MACROH2A1: variants seen among roughly 807,000 people sequenced by gnomAD.
MACROH2A1 encodes macroH2A.1 histone.
MACROH2A1 carries 2 observed loss-of-function variants against 31.6 expected under a neutral mutation model. The observed-to-expected ratio is 0.06, with a 90% CI of 0.03 to 0.20. The LOEUF is 0.20. MACROH2A1 is among the 10% of genes least tolerant of loss of function. The pLI, the probability that MACROH2A1 is intolerant of heterozygous loss-of-function variation, is 1.00. For missense variants in MACROH2A1, 230 were observed against 474.0 expected, an observed-to-expected ratio of 0.49 and a Z score of 4.78; for synonymous variants, 169 against 189.6, an observed-to-expected ratio of 0.89 and a Z score of 0.89.
intron 1 of MACROH2A1, among the ~76,000 whole-genome samples, chr5:135,394,507 G>C (rs1047960516): frequency 6.6e-6 from 1 of 152,126 alleles, no homozygotes. Flanking sequence ...TCCCTCAATG[G>C]ATGTGGCAGC....
chr5:135,396,040 G>A (rs377208270), intron 1 of MACROH2A1, among the ~76,000 whole-genome samples: 21 of 152,292 alleles, frequency 1.4e-4, no homozygotes, highest in African/African-American at 4.8e-4. Context: ...AGCTAGTCTG[G>A]GATTGAAATT....
chr5:135,376,436 G>A (rs1561641853), intron 2 of MACROH2A1, among the ~76,000 whole-genome samples: 3 of 152,120 alleles, frequency 2.0e-5, no homozygotes, highest in South Asian at 2.1e-4. Context: ...AATAACACAG[G>A]GGAGCTATGA....
chr5:135,386,192 C>T (rs1766380696), intron 2 of MACROH2A1, among the ~76,000 whole-genome samples: 1 of 152,214 alleles, frequency 6.6e-6, no homozygotes, highest in Admixed American at 6.5e-5. Context: ...GTGTGTGGCA[C>T]TGTTCTGAGG....
At chr5:135,374,030 C>T (rs1263455813) in intron 2 of MACROH2A1, among the ~76,000 whole-genome samples, 2 of 152,190 alleles carry the variant, frequency 1.3e-5, no homozygotes, top group African/African-American at 4.8e-5. Context: ...TCCCACCCCT[C>T]TCCTGTGCTG....
intron 6 of MACROH2A1, 27 bp downstream of exon 6, chr5:135,352,919 G>T: frequency 8.8e-7 from 1 of 1,135,722 alleles, no homozygotes; most frequent in Non-Finnish European, 1.3e-6. Flanking sequence ...CTGACAGCTG[G>T]TGGTGCCGAA....
intron 4 of MACROH2A1, among the ~76,000 whole-genome samples, chr5:135,368,946 G>C (rs1763849701): frequency 6.6e-6 from 1 of 152,206 alleles, no homozygotes; most frequent in African/African-American, 2.4e-5. Flanking sequence ...AACCATTCTG[G>C]AGTGAACTGT....
At chr5:135,355,155 C>G in intron 5 of MACROH2A1, 1 of 456,072 alleles carries the variant, frequency 2.2e-6, no homozygotes, top group Non-Finnish European at 4.4e-6. Flanking sequence ...GTATCTGACT[C>G]TCTTCGCGGG....
In MACROH2A1 at chr5:135,370,099, C is replaced by T. The variant is rs1304064416; in HGVS notation, c.216G>A (p.Lys72=). The T allele has an allele frequency of 4.3e-6, 7 of 1,613,888 alleles. No homozygotes were observed. The highest frequency in any genetic ancestry group is 5.9e-6 in the Non-Finnish European group (7 of 1,179,898). Residue 72 remains lysine (K), a synonymous_variant, in exon 3 of 9, where the codon AAG becomes AAA. Transcript: ENST00000511689. ...ELAGNAARDN[K]KGRVTPRHIL... ...TGTGCCGGGGTGTGACCCGTCCCTT[C>T]TTGTTGTCTCTCGCTGCATTGCCAG...
At chr5:135,368,305 G>A (rs1763770346) in intron 4 of MACROH2A1, among the ~76,000 whole-genome samples, 1 of 152,246 alleles carries the variant, frequency 6.6e-6, no homozygotes, top group African/African-American at 2.4e-5. Flanking sequence ...GACAGGACAG[G>A]AGGAGCTCTG....
rs576435898 is a variant in MACROH2A1, at chr5:135,393,197, A to G, written c.-33-4071T>C. Among the ~76,000 whole-genome samples the G allele has an allele frequency of 2.0e-5, 3 of 152,280 alleles. No homozygotes were observed. In the East Asian group the frequency reaches 5.8e-4, roughly 29 times the overall value. On this transcript the variant is annotated intron_variant, in intron 1 of 8. Transcript: ENST00000511689. ...CTTGTTACTCTCACATCTTCAATAC[A>G]TGATTCCCAGGGTTGCCATGGAAAG...
At chr5:135,384,014 T>C (rs746078714) in intron 2 of MACROH2A1, among the ~76,000 whole-genome samples, 5 of 152,080 alleles carry the variant, frequency 3.3e-5, no homozygotes, top group Non-Finnish European at 5.9e-5. Context: ...CCAGGACACA[T>C]TTGAGTGTCC....
At chr5:135,362,481 T>C (rs890209739) in intron 4 of MACROH2A1, 2 of 152,252 alleles carry the variant, frequency 1.3e-5, no homozygotes, top group Non-Finnish European at 2.9e-5. Flanking sequence ...AACAAAACCC[T>C]TTCCATTTCA....
chr5:135,389,878 CT>C (rs1474519968), intron 1 of MACROH2A1, among the ~76,000 whole-genome samples: 3 of 152,222 alleles, frequency 2.0e-5, no homozygotes, highest in Non-Finnish European at 4.4e-5. Context: ...CCAGAGCCCC[CT>C]CTCCTCTAAT....
At chr5:135,350,631 C>T (rs1345305308) in intron 6 of MACROH2A1, 1 of 514,292 alleles carries the variant, frequency 1.9e-6, no homozygotes, top group African/African-American at 1.9e-5. Context: ...CTGCATCAGC[C>T]AGGATGCATG....
At chr5:135,367,811 T>A (rs1763703984) in intron 4 of MACROH2A1, among the ~76,000 whole-genome samples, 1 of 152,240 alleles carries the variant, frequency 6.6e-6, no homozygotes, top group African/African-American at 2.4e-5. Context: ...AGATTCAGTA[T>A]CTTCGTTGCC....
At chr5:135,351,939 T>A (rs1478022442) in intron 6 of MACROH2A1, among the ~76,000 whole-genome samples, 2 of 151,490 alleles carry the variant, frequency 1.3e-5, no homozygotes, top group African/African-American at 4.9e-5. Flanking sequence ...TTTTTAAGTA[T>A]CTGTATAAGG....
At chr5:135,368,139 T>A (rs1238483034) in intron 4 of MACROH2A1, among the ~76,000 whole-genome samples, 1 of 152,200 alleles carries the variant, frequency 6.6e-6, no homozygotes, top group Non-Finnish European at 1.5e-5. Flanking sequence ...GGAATTTAGA[T>A]TTTGTGCATG....
rs1767884016 is a variant in MACROH2A1 at position 135,395,756 on chromosome 5, C to G, written c.-34+3306G>C. ...GATTGGCTTGGATCAGAGACCTGTT[C>G]TAGTATTCTAGCCAATCAGGAAAAA... On this transcript the variant is annotated intron_variant, in intron 1 of 8. Transcript: ENST00000511689. Among the ~76,000 whole-genome samples the G allele has an allele frequency of 2.0e-5, 3 of 152,156 alleles. No homozygotes were observed. In the South Asian group the frequency reaches 6.2e-4, roughly 32 times the overall value.
rs57605717 is a variant in MACROH2A1, at chr5:135,351,543, A to ATTTTTTTTTTTTTTTTTTTTTT, written c.688+1381_688+1402dup. On this transcript the variant is annotated intron_variant, in intron 6 of 8. Transcript: ENST00000511689. ...TAGCCTATCTTATTTTTATGGTTTA[A>ATTTTTTTTTTTTTTTTTTTTTT]TTTTTTTTTTTTTTTTTTTTTTTTT... 1.0e-4 allele frequency: 5 copies of ATTTTTTTTTTTTTTTTTTTTTT among 48,498 alleles called. 1 individual carries two copies. Among genetic ancestry groups the ATTTTTTTTTTTTTTTTTTTTTT allele is most frequent in the African/African-American group, 2.3e-4 (3 of 13,010 alleles). The allele number at this position is 48,498 out of a possible 1,614,324, so 3.0% of individuals were successfully genotyped here. A position where few individuals can be genotyped will look rare whatever the true frequency, so the allele number is the denominator to read the frequency against.
Sources: gnomAD v4.1 joint callset for allele counts (sites outside exome capture counted in the v4.1 genomes callset) on GRCh38, gnomAD v4.1.1 for gene constraint, MANE v1.5 for transcripts, NCBI Gene and HGNC (gene_info 2026-07-23, HGNC 2026-07-21) for gene names.